Variants in KAZN observed in about 807,000 individuals in gnomAD.
KAZN encodes kazrin.
KAZN carries 40 observed loss-of-function variants against 87.4 expected under a neutral mutation model. The ratio of observed to expected loss-of-function variants is 0.46; its 90% CI spans 0.36 to 0.60. The LOEUF (loss-of-function observed/expected upper bound fraction) is 0.60. Among genes scored for constraint, KAZN ranks in the 20% least tolerant of loss-of-function variants. KAZN has a pLI of 0.00. For synonymous variants in KAZN, 466 were observed against 458.3 expected (o/e 1.02, Z -0.22); for missense variants, 898 against 1,073.9 (o/e 0.84, Z 2.29).
At position 14,820,061 on chromosome 1, in the gene KAZN, T is replaced by C. The variant is rs528596829; in HGVS notation, c.227-140623T>C. Among the ~76,000 whole-genome samples the C allele has an allele frequency of 1.4e-4, 21 of 152,246 alleles. No homozygotes were observed. The highest frequency in any genetic ancestry group is 5.1e-4 in the African/African-American group (21 of 41,536). ...AGTCCACCCTCACCTCTATCTAATC[T>C]AGTGGTTCTCCAACTTTAATGTGCT... On this transcript the variant is annotated intron_variant, in intron 1 of 14. Coordinates refer to ENST00000376030, the MANE Select transcript of KAZN (RefSeq NM_201628.3). The surrounding 1 kb of genome is among the most constrained non-coding windows in gnomAD (Gnocchi z 4.1).
chr1:14,984,367 CTCTG>C (rs1294010430), intron 2 of KAZN, among the ~76,000 whole-genome samples: 1 of 151,736 alleles, frequency 6.6e-6, no homozygotes, highest in Non-Finnish European at 1.5e-5. Context: ...ACAGGCAAGA[CTCTG>C]TCTCAAAAAA....
intron 2 of KAZN, among the ~76,000 whole-genome samples, chr1:14,587,012 G>A (rs1675893228): frequency 6.6e-6 from 1 of 152,202 alleles, no homozygotes; most frequent in South Asian, 2.1e-4. Context: ...GAGAACCACA[G>A]AATGCTCAAG....
At chr1:14,979,488 C>G (rs1666019169) in intron 2 of KAZN, among the ~76,000 whole-genome samples, 2 of 152,184 alleles carry the variant, frequency 1.3e-5, no homozygotes, top group Non-Finnish European at 2.9e-5. Flanking sequence ...GTGAGGTATT[C>G]CTGAGCTCAT....
At chr1:14,152,582 C>G (rs1175272724) in intron 1 of KAZN, among the ~76,000 whole-genome samples, 2 of 152,186 alleles carry the variant, frequency 1.3e-5, no homozygotes, top group Non-Finnish European at 2.9e-5. Flanking sequence ...TCTTTATCCA[C>G]TCATCTATTG....
At chr1:14,804,204 T>C (rs1646131561) in intron 1 of KAZN, among the ~76,000 whole-genome samples, 1 of 152,174 alleles carries the variant, frequency 6.6e-6, no homozygotes, top group African/African-American at 2.4e-5. Flanking sequence ...GGGTCTTTAT[T>C]GCAAGGAAGA....
chr1:13,999,450 A>G (rs1639684339), intron 1 of KAZN, among the ~76,000 whole-genome samples: 1 of 152,238 alleles, frequency 6.6e-6, no homozygotes, highest in Admixed American at 6.5e-5. Context: ...TTGCTCCTGA[A>G]TGACTCCTGG....
At chr1:14,741,094 G>A (rs1644084718) in intron 1 of KAZN, among the ~76,000 whole-genome samples, 1 of 152,234 alleles carries the variant, frequency 6.6e-6, no homozygotes, top group Non-Finnish European at 1.5e-5. Flanking sequence ...GGTCCTGTGT[G>A]CTGACCAAGC....
intron 1 of KAZN, among the ~76,000 whole-genome samples, chr1:14,757,743 C>T (rs1644608463): frequency 6.6e-6 from 1 of 152,196 alleles, no homozygotes; most frequent in Non-Finnish European, 1.5e-5. Flanking sequence ...AGATCTCTCC[C>T]ATGGGCTCAA....
intron 2 of KAZN, among the ~76,000 whole-genome samples, chr1:14,485,892 CA>C (rs1038275850): frequency 0.14 from 11,849 of 85,496 alleles, 672 homozygotes; most frequent in African/African-American, 0.25. Context: ...GACTCCATCT[CA>C]AAAAAAAAAA....
intron 7 of KAZN, among the ~76,000 whole-genome samples, chr1:15,065,363 C>T (rs1185565739): frequency 2.6e-5 from 4 of 152,156 alleles, no homozygotes; most frequent in African/African-American, 4.8e-5. Flanking sequence ...TTAGCAACAT[C>T]CTCGTGGCAA....
At chr1:14,470,447 G>T (rs1571728873) in intron 2 of KAZN, among the ~76,000 whole-genome samples, 1 of 152,182 alleles carries the variant, frequency 6.6e-6, no homozygotes, top group African/African-American at 2.4e-5. Flanking sequence ...CAGAGAGAAA[G>T]GTTATGCCAA....
exon 1 of KAZN, chr1:13,892,988 G>A (rs548885461): frequency 1.3e-5 from 2 of 152,146 alleles, no homozygotes; most frequent in East Asian, 3.9e-4. Flanking sequence ...GACGCCTGCG[G>A]GTCCGGAGCT....
intron 1 of KAZN, among the ~76,000 whole-genome samples, chr1:14,802,336 G>A (rs954921169): frequency 3.3e-5 from 5 of 151,704 alleles, no homozygotes; most frequent in East Asian, 2.0e-4. Context: ...CCCGGGAAGC[G>A]GAGGTCGCAG....
chr1:14,112,424 GGC>G, intron 1 of KAZN, among the ~76,000 whole-genome samples: 2 of 77,710 alleles, frequency 2.6e-5, no homozygotes, highest in Admixed American at 1.2e-4. Flanking sequence ...ACTCCTCTTT[GGC>G]CACTGTGGGT....
intron 2 of KAZN, among the ~76,000 whole-genome samples, chr1:14,278,044 C>A (rs554952765): frequency 6.6e-6 from 1 of 151,350 alleles, no homozygotes; most frequent in Non-Finnish European, 1.5e-5. Context: ...GTGGCAGGTG[C>A]CTATAATCCC....
At chr1:14,977,783 G>A (rs1040976850) in intron 2 of KAZN, among the ~76,000 whole-genome samples, 5 of 151,562 alleles carry the variant, frequency 3.3e-5, no homozygotes, top group African/African-American at 1.2e-4. Context: ...AAGCCAAGCA[G>A]TTTTCTGGTG....
chr1:14,000,821 C>T (rs1468922924), intron 1 of KAZN, among the ~76,000 whole-genome samples: 15 of 150,720 alleles, frequency 1.0e-4, no homozygotes, highest in East Asian at 2.0e-4. Flanking sequence ...CTCGCTCTGT[C>T]GCCCAGGCTG....
chr1:13,903,367 A>T (rs752159495), intron 1 of KAZN, among the ~76,000 whole-genome samples: 2 of 152,210 alleles, frequency 1.3e-5, no homozygotes, highest in Non-Finnish European at 2.9e-5. Flanking sequence ...CTGAAAAGTA[A>T]CTGCGTTTTT....
chr1:14,509,795 G>A lies in KAZN; in HGVS notation c.250-89188G>A, dbSNP rs577645400. On this transcript the variant is annotated intron_variant, in intron 2 of 16. Transcript: ENST00000636203. The stretch of plus-strand genomic sequence containing the variant: ...TGAAGAAAACAAAACAGAGTGATGC[G>A]GTATAGAGGTCTGAAGGATGGAGAA... Among the ~76,000 whole-genome samples, 9 of 152,220 alleles carry A rather than the reference G, an allele frequency of 5.9e-5. No homozygotes were observed. The South Asian group carries it at 6.2e-4, about 11-fold the overall frequency.
Sources: allele counts gnomAD v4.1 joint callset (sites outside exome capture counted in the v4.1 genomes callset), GRCh38; gene constraint gnomAD v4.1.1; non-coding constraint Gnocchi (gnomAD v3.1); transcripts MANE v1.5; gene names NCBI Gene and HGNC (gene_info 2026-07-23, HGNC 2026-07-21).